Variants in MMP26 observed in about 807,000 individuals in gnomAD.
MMP26 encodes the protein matrix metallopeptidase 26, also known as matrix metalloproteinase-26.
A neutral mutation model predicts 31.0 loss-of-function variants in MMP26; 33 were observed. The ratio of observed to expected loss-of-function variants is 1.06; its 90% confidence interval spans 0.81 to 1.42. The LOEUF is 1.42. Among genes scored for constraint, MMP26 ranks in the 40% most tolerant of loss-of-function variants. MMP26 has a pLI of 0.00. For missense variants in MMP26, 347 were observed against 316.1 expected, an observed-to-expected ratio of 1.10 and a Z score of -0.74; for synonymous variants, 122 against 114.9, an observed-to-expected ratio of 1.06 and a Z score of -0.40.
chr11:4,953,230 A>T (rs1846391808), intron 2 of MMP26, among the ~76,000 whole-genome samples: 1 of 124,174 alleles, frequency 8.1e-6, no homozygotes. Flanking sequence ...ATATTACTAA[A>T]CTCTTCAGAG....
intron 2 of MMP26, chr11:4,908,204 T>C: frequency 6.2e-7 from 1 of 1,614,210 alleles, no homozygotes. Context: ...TGCAGATATG[T>C]TCTTGTTGGT....
In MMP26 at chr11:4,854,453, C is replaced by T. The variant is rs566856326; in HGVS notation, c.-145+87112C>T. ...CTCGGAGGGTCCCACGCCCACGGAA[C>T]CTTGCTCATTGCTAGCACAGTGGTC... On this transcript the variant is annotated intron_variant, in intron 2 of 7. Transcript: ENST00000380390. 9.8e-5 allele frequency among the ~76,000 whole-genome samples: 15 copies of T among 152,306 alleles called. No individual in the cohort carries two copies. The South Asian group carries it at 2.7e-3, about 27-fold the overall frequency.
intron 2 of MMP26, chr11:4,915,453 G>C (rs778038541): frequency 6.2e-7 from 1 of 1,614,000 alleles, no homozygotes; most frequent in Admixed American, 1.7e-5. Context: ...ATCAGAGCCA[G>C]CATGGACAGG....
chr11:4,915,715 A>C, intron 2 of MMP26: 1 of 1,303,102 alleles, frequency 7.7e-7, no homozygotes, highest in East Asian at 2.3e-5. Flanking sequence ...CCTGAAGTAA[A>C]TTGAGGCAGT....
chr11:4,927,845 G>A (rs1351294511), intron 2 of MMP26, among the ~76,000 whole-genome samples: 1 of 152,106 alleles, frequency 6.6e-6, no homozygotes. Flanking sequence ...AAGAGGCTGG[G>A]AAACCCCAAT....
At chr11:4,735,709 A>C (rs1385909034) in intron 1 of MMP26, among the ~76,000 whole-genome samples, 1 of 152,204 alleles carries the variant, frequency 6.6e-6, no homozygotes, top group Admixed American at 6.5e-5. Context: ...ACCCTCAGTA[A>C]ATGAAAGAAT....
At position 4,882,595 on chromosome 11, in the gene MMP26, C is replaced by G. The variant is rs1421985375; in HGVS notation, c.-144-105473C>G. The G allele has an allele frequency of 3.1e-6, 5 of 1,613,748 alleles. No individual in the cohort carries two copies. The African/African-American group carries it at 6.7e-5, about 22-fold the overall frequency. ...TCCGTACTGTTCTGGGCATTGTGGC[C>G]CGAAAGAAGCAACAAAAAGCTCTCA... On this transcript the variant is annotated intron_variant, in intron 2 of 7. Transcript: ENST00000380390.
At chr11:4,835,352 G>C (rs1166047416) in intron 2 of MMP26, among the ~76,000 whole-genome samples, 1 of 152,082 alleles carries the variant, frequency 6.6e-6, no homozygotes, top group African/African-American at 2.4e-5. Flanking sequence ...TCCACCTTCT[G>C]TGTACCACTG....
chr11:4,915,638 C>A, intron 2 of MMP26: 1 of 1,612,976 alleles, frequency 6.2e-7, no homozygotes, highest in South Asian at 1.1e-5. Context: ...GCTGCTGCTG[C>A]TGTTTCCCAG....
At chr11:4,910,056 T>C (rs987364035) in intron 2 of MMP26, among the ~76,000 whole-genome samples, 2 of 152,126 alleles carry the variant, frequency 1.3e-5, no homozygotes, top group African/African-American at 4.8e-5. Flanking sequence ...TATTGTTTTA[T>C]AATTCTGTAA....
intron 1 of MMP26, among the ~76,000 whole-genome samples, chr11:4,732,884 G>A (rs1848193248): frequency 1.3e-5 from 2 of 152,170 alleles, no homozygotes; most frequent in African/African-American, 4.8e-5. Flanking sequence ...AAATTTGGGC[G>A]GCAGCGCCAT....
At chr11:4,779,638 CT>C (rs1848833013) in intron 2 of MMP26, among the ~76,000 whole-genome samples, 1 of 151,988 alleles carries the variant, frequency 6.6e-6, no homozygotes, top group African/African-American at 2.4e-5. Context: ...TTTCAGAAAA[CT>C]TTTTGAATTC....
chr11:4,757,452 G>T (rs75572817), intron 1 of MMP26, among the ~76,000 whole-genome samples: 2,945 of 151,838 alleles, frequency 0.019, 90 homozygotes, highest in African/African-American at 0.066. Flanking sequence ...TTAAAAGTGT[G>T]AGCCATTAAA....
intron 2 of MMP26, among the ~76,000 whole-genome samples, chr11:4,972,227 G>T (rs552061697): frequency 1.3e-5 from 2 of 152,162 alleles, no homozygotes; most frequent in East Asian, 1.9e-4. Context: ...TGCTAAAATC[G>T]AACAATATGG....
intron 1 of MMP26, among the ~76,000 whole-genome samples, chr11:4,706,042 A>C (rs531616849): frequency 5.3e-4 from 80 of 152,224 alleles, no homozygotes; most frequent in Non-Finnish European, 8.5e-4. Context: ...CCTCTGTTAC[A>C]AGAATCCTAT....
rs760144153 is a variant in MMP26 at position 4,914,981 on chromosome 11, C to T, written c.-144-73087C>T. ...CCTGGAGGCGATGGACAGCACGGTG[C>T]GCAGGATCAGAGCATAAGAGAAGAG... On this transcript the variant is annotated intron_variant, in intron 2 of 7. Transcript: ENST00000380390. 154 of 1,613,916 alleles carry T rather than the reference C, an allele frequency of 9.5e-5. No individual in the cohort carries two copies. The highest frequency in any genetic ancestry group is 1.1e-4 in the Non-Finnish European group (135 of 1,180,020).
rs571608362 is a variant in MMP26, at chr11:4,865,357, C to T, written c.-145+98016C>T. Among the ~76,000 whole-genome samples the T allele has an allele frequency of 2.6e-5, 4 of 152,092 alleles. No individual in the cohort carries two copies. In the South Asian group the frequency reaches 8.3e-4, roughly 32 times the overall value. On this transcript the variant is annotated intron_variant, in intron 2 of 7. Coordinates refer to ENST00000380390, the MANE Select transcript of MMP26 (RefSeq NM_021801.5). ...TTGCTTAATTTTAATGCAAAACACT[C>T]TAAAGCATGAAAAATAATTATTAGG...
chr11:4,939,904 C>T (rs1253314502), intron 2 of MMP26, among the ~76,000 whole-genome samples: 1 of 152,136 alleles, frequency 6.6e-6, no homozygotes, highest in Non-Finnish European at 1.5e-5. Context: ...ACCTTGCTTT[C>T]TTTACTGTAC....
chr11:4,884,069 G>C (rs985407651), intron 2 of MMP26, among the ~76,000 whole-genome samples: 6 of 152,052 alleles, frequency 3.9e-5, no homozygotes, highest in Admixed American at 1.3e-4. Flanking sequence ...ACAACTTTGT[G>C]ATTTTGCTTC....
Sources: gnomAD v4.1 joint callset for allele counts (sites outside exome capture counted in the v4.1 genomes callset) on GRCh38, gnomAD v4.1.1 for gene constraint, MANE v1.5 for transcripts, NCBI Gene and HGNC (gene_info 2026-07-23, HGNC 2026-07-21) for gene names.